CREBBP: variants seen among roughly 807,000 people sequenced by gnomAD.
CREBBP encodes the protein CREB-binding protein.
CREBBP carries 19 observed loss-of-function variants against 265.0 expected under a neutral mutation model. The ratio of observed to expected loss-of-function variants is 0.07; its 90% CI spans 0.05 to 0.11. The LOEUF (loss-of-function observed/expected upper bound fraction) is 0.11, where lower values mean the gene tolerates loss of function less well. Among genes scored for constraint, CREBBP ranks in the 10% least tolerant of loss-of-function variants. CREBBP has a pLI of 1.00. For missense variants in CREBBP, 2,525 were observed against 3,219.0 expected (o/e 0.78, Z 5.22); for synonymous variants, 1,457 against 1,223.7 (o/e 1.19, Z -3.98).
intron 28 of CREBBP, among the ~76,000 whole-genome samples, chr16:3,732,321 G>A (rs572258864): frequency 1.3e-5 from 2 of 152,290 alleles, no homozygotes; most frequent in East Asian, 1.9e-4. Flanking sequence ...CTACACACCC[G>A]AGAAAGCATG....
chr16:3,733,694 T>A (rs1438182224), intron 28 of CREBBP, among the ~76,000 whole-genome samples: 1 of 152,098 alleles, frequency 6.6e-6, no homozygotes, highest in African/African-American at 2.4e-5. Context: ...CAGGCTGGAG[T>A]GCAGTGGCAC....
rs2141200358 is a variant in CREBBP at position 3,770,689 on chromosome 16, C to T, written c.2761G>A (p.Ala921Thr). The T allele has an allele frequency of 1.9e-6, 3 of 1,614,068 alleles. No homozygotes were observed. The highest frequency in any genetic ancestry group is 1.7e-6 in the Non-Finnish European group (2 of 1,179,990). ...QTQSTPTVQA[A>T]AQAQVTPQPQ... ...TGCGGGGTCACCTGGGCCTGGGCTG[C>T]TGCCTGGACTGTAGGGGTGCTCTGG... The change falls in exon 14 of 31, where the codon GCA (alanine) becomes ACA (threonine). Residue 921 changes from alanine (A) to threonine (T), a missense_variant. Transcript: ENST00000262367.
At chr16:3,794,400 C>T (rs951751971) in intron 3 of CREBBP, among the ~76,000 whole-genome samples, 2 of 104,758 alleles carry the variant, frequency 1.9e-5, no homozygotes, top group Non-Finnish European at 3.8e-5. Flanking sequence ...CAATGTACTA[C>T]AAACATTTGA....
intron 1 of CREBBP, among the ~76,000 whole-genome samples, chr16:3,851,496 C>T (rs1296980204): frequency 1.3e-5 from 2 of 151,918 alleles, no homozygotes; most frequent in Non-Finnish European, 2.9e-5. Context: ...CTCAGATATA[C>T]AAATTAAAAG....
chr16:3,757,359 C>T lies in CREBBP; in HGVS notation c.3627G>A (p.Gln1209=). The part of the protein sequence containing the change: ...CCGRKYEFSP[Q]TLCCYGKQLC... The stretch of plus-strand genomic sequence containing the variant: ...GCTGCTTCCCATAGCAGCACAAAGT[C>T]TGTGGGGAAAACTCATACTGCAAAA... The change falls in exon 19 of 31, where the codon CAG becomes CAA. Residue 1209 remains glutamine (Q), a synonymous_variant. Transcript: ENST00000262367. The T allele has an allele frequency of 6.2e-7, 1 of 1,613,772 alleles. No homozygotes were observed. The highest frequency in any genetic ancestry group is 8.5e-7 in the Non-Finnish European group (1 of 1,179,854).
chr16:3,791,225 G>A (rs2053500238), intron 5 of CREBBP: 1 of 152,676 alleles, frequency 6.5e-6, no homozygotes, highest in Non-Finnish European at 1.5e-5. Flanking sequence ...TTGAAAAACG[G>A]GAGGGAGGTT....
chr16:3,744,567 C>CG (rs1433433299), intron 23 of CREBBP, among the ~76,000 whole-genome samples: 5 of 152,164 alleles, frequency 3.3e-5, no homozygotes, highest in Non-Finnish European at 5.9e-5. Flanking sequence ...CCCAAGGCTG[C>CG]GAGTCCTGCT....
intron 2 of CREBBP, among the ~76,000 whole-genome samples, chr16:3,834,790 G>C (rs1425480402): frequency 6.6e-6 from 1 of 152,086 alleles, no homozygotes; most frequent in African/African-American, 2.4e-5. Context: ...GGAGAACAGG[G>C]AATAGATGGA....
At chr16:3,742,795 C>G (rs2052248795) in intron 23 of CREBBP, 1 of 152,068 alleles carries the variant, frequency 6.6e-6, no homozygotes, top group Admixed American at 6.6e-5. Flanking sequence ...TACCTCTAGT[C>G]TCCTAGGCCC....
At chr16:3,861,801 G>A (rs2055081122) in intron 1 of CREBBP, among the ~76,000 whole-genome samples, 1 of 147,650 alleles carries the variant, frequency 6.8e-6, no homozygotes, top group African/African-American at 2.5e-5. Context: ...AATAATTAAA[G>A]CAACCTCCTT....
At chr16:3,826,646 T>A (rs2054242393) in intron 2 of CREBBP, among the ~76,000 whole-genome samples, 1 of 152,136 alleles carries the variant, frequency 6.6e-6, no homozygotes, top group Admixed American at 6.5e-5. Context: ...CAGAGGGGCA[T>A]CCTATAATAC....
At chr16:3,821,049 C>G (rs1347374018) in intron 2 of CREBBP, among the ~76,000 whole-genome samples, 1 of 152,220 alleles carries the variant, frequency 6.6e-6, no homozygotes, top group Admixed American at 6.5e-5. Context: ...GTCAAGGTCA[C>G]TGGAGAAACT....
chr16:3,814,231 G>C (rs1379552291), intron 2 of CREBBP, among the ~76,000 whole-genome samples: 2 of 126,558 alleles, frequency 1.6e-5, no homozygotes, highest in East Asian at 5.4e-4. Flanking sequence ...GTGTGTGTGT[G>C]TGTGTGTGTG....
intron 2 of CREBBP, among the ~76,000 whole-genome samples, chr16:3,834,640 A>G (rs1325335660): frequency 1.3e-5 from 2 of 152,190 alleles, no homozygotes; most frequent in Non-Finnish European, 2.9e-5. Context: ...CAGAATGTAC[A>G]ACACCAAGAG....
rs1596812342 is a variant in CREBBP at position 3,739,700 on chromosome 16, A to T, written c.4158T>A (p.Ser1386=). 1 of 1,614,276 alleles carries T rather than the reference A, an allele frequency of 6.2e-7. No homozygotes were observed. The highest frequency in any genetic ancestry group is 2.2e-5 in the East Asian group (1 of 44,892). The change falls in exon 25 of 31, where the codon TCT becomes TCA. Residue 1386 remains serine, a synonymous_variant. Coordinates refer to ENST00000262367, the MANE Select transcript of CREBBP (RefSeq NM_004380.3). The part of the protein sequence containing the change: ...KSRFVDSGEM[S]ESFPYRTKAL... ...CTTTGGTTCGATATGGGAAAGATTC[A>T]GACATTTCCCCAGAATCCACAAACC...
At chr16:3,875,950 C>T (rs941865708) in intron 1 of CREBBP, among the ~76,000 whole-genome samples, 1 of 152,160 alleles carries the variant, frequency 6.6e-6, no homozygotes, top group South Asian at 2.1e-4. Flanking sequence ...AAAGGATTCA[C>T]GTCATAAAAT....
rs1019369576 is a variant in CREBBP, at chr16:3,726,466, C to T, written c.*1252G>A. The T allele has an allele frequency of 5.6e-5, 13 of 233,300 alleles. No individual in the cohort carries two copies. The highest frequency in any genetic ancestry group is 1.5e-4 in the African/African-American group (7 of 45,330). The allele number at this position is 233,300 out of a possible 1,614,324, so 14.5% of individuals were successfully genotyped here. On this transcript the variant is annotated 3_prime_UTR_variant, in exon 31 of 31. Transcript: ENST00000262367. Reference sequence around the variant, plus strand: ...CCGGGAAGAAAAGCCTCCGGGCGGCCGCTAAGCCTGGGCCACAGTTCCCAG... The same window carrying T: ...CCGGGAAGAAAAGCCTCCGGGCGGCTGCTAAGCCTGGGCCACAGTTCCCAG...
At chr16:3,864,461 A>G (rs1451890796) in intron 1 of CREBBP, among the ~76,000 whole-genome samples, 1 of 152,182 alleles carries the variant, frequency 6.6e-6, no homozygotes, top group East Asian at 1.9e-4. Context: ...CCTGGGCAAC[A>G]TAGCGAAACC....
chr16:3,777,685 A>C (rs563553685), intron 10 of CREBBP, 28 bp from the exon 11 acceptor site: 1 of 1,612,852 alleles, frequency 6.2e-7, no homozygotes, highest in Admixed American at 1.7e-5. Context: ...AAACAAAAAC[A>C]AAACCACCCT....
Sources: allele counts gnomAD v4.1 joint callset (sites outside exome capture counted in the v4.1 genomes callset), GRCh38; gene constraint gnomAD v4.1.1; transcripts MANE v1.5; gene names NCBI Gene and HGNC (gene_info 2026-07-23, HGNC 2026-07-21).